Variants in SPAG16 observed in about 807,000 individuals in gnomAD.
SPAG16 encodes the protein sperm associated antigen 16.
A neutral mutation model predicts 80.4 loss-of-function variants in SPAG16; 86 were observed. The observed-to-expected ratio is 1.07, with a 90% confidence interval of 0.90 to 1.28. The LOEUF is 1.28. Among genes scored for constraint, SPAG16 ranks in the 50% most tolerant of loss-of-function variants. SPAG16 has a pLI of 0.00. For missense variants in SPAG16, 870 were observed against 765.3 expected (o/e 1.14, Z -1.61); for synonymous variants, 294 against 265.9 (o/e 1.11, Z -1.03).
chr2:214,019,483 C>T (rs528293105), intron 13 of SPAG16, among the ~76,000 whole-genome samples: 6 of 152,196 alleles, frequency 3.9e-5, no homozygotes, highest in East Asian at 1.9e-4. Context: ...AGACTAACTG[C>T]GGGCACTTGT....
intron 10 of SPAG16, among the ~76,000 whole-genome samples, chr2:213,502,616 A>G (rs561728721): frequency 1.3e-5 from 2 of 152,358 alleles, no homozygotes; most frequent in East Asian, 1.9e-4. Context: ...TAAATCTTGG[A>G]TGATGTTACC....
In SPAG16 at chr2:214,394,447, AC is replaced by A. The variant is rs559851980; in HGVS notation, c.1721-15692del. On this transcript the variant is annotated intron_variant, in intron 15 of 15. Transcript: ENST00000331683. ...TCTGATTATGTAATTGAGTAAAAAAACTTTAAAAATACATTTTAAAGCACCT... is the reference window on the plus strand; with the variant it reads ...TCTGATTATGTAATTGAGTAAAAAAATTTAAAAATACATTTTAAAGCACCT... 1.1e-4 allele frequency among the ~76,000 whole-genome samples: 17 copies of A among 152,256 alleles called. No homozygotes were observed. In the South Asian group the frequency reaches 1.7e-3, roughly 15 times the overall value.
At chr2:214,093,899 CCTTTTAGTGTCTATAT>C (rs1191868272) in intron 13 of SPAG16, among the ~76,000 whole-genome samples, 2 of 152,038 alleles carry the variant, frequency 1.3e-5, no homozygotes, top group African/African-American at 4.8e-5. Context: ...AACTAACTTA[CCTTTTAGTGTCTATAT>C]CTCATCTTAA....
rs548444369 is a variant in SPAG16, at chr2:213,641,332, G to A, written c.1070+151242G>A. 6.6e-5 allele frequency among the ~76,000 whole-genome samples: 10 copies of A among 152,250 alleles called. No homozygotes were observed. The East Asian group carries it at 1.3e-3, about 21-fold the overall frequency. On this transcript the variant is annotated intron_variant, in intron 10 of 15. Coordinates refer to ENST00000331683, the MANE Select transcript of SPAG16 (RefSeq NM_024532.5). Reference sequence around the variant, plus strand: ...GTGCCAAGTTTATATCCAGGCCTCCGGCACACAGGGCTACAAGACTCCCTG... The same window carrying A: ...GTGCCAAGTTTATATCCAGGCCTCCAGCACACAGGGCTACAAGACTCCCTG...
At chr2:213,405,707 A>G (rs999175309) in intron 9 of SPAG16, among the ~76,000 whole-genome samples, 1 of 152,198 alleles carries the variant, frequency 6.6e-6, no homozygotes, top group African/African-American at 2.4e-5. Context: ...TAGCTCTAAT[A>G]TATGAGTGAG....
intron 14 of SPAG16, among the ~76,000 whole-genome samples, chr2:214,138,389 G>A (rs1019416913): frequency 4.6e-5 from 7 of 152,042 alleles, no homozygotes; most frequent in African/African-American, 4.8e-5. Context: ...TTCTTCTCAC[G>A]CCCTGGTACT....
intron 12 of SPAG16, among the ~76,000 whole-genome samples, chr2:213,964,384 C>A (rs973999619): frequency 6.6e-6 from 1 of 151,992 alleles, no homozygotes; most frequent in Admixed American, 6.6e-5. Context: ...CTGAAGAACA[C>A]CTTTAGTATT....
chr2:214,256,286 A>G (rs1201912827), intron 15 of SPAG16, among the ~76,000 whole-genome samples: 2 of 151,688 alleles, frequency 1.3e-5, no homozygotes, highest in Non-Finnish European at 2.9e-5. Context: ...CCCATTTTTA[A>G]TTGGCTTGTT....
At chr2:214,379,972 C>T (rs560334108) in intron 15 of SPAG16, among the ~76,000 whole-genome samples, 2 of 152,138 alleles carry the variant, frequency 1.3e-5, no homozygotes, top group Admixed American at 6.5e-5. Flanking sequence ...ACTTAATGGA[C>T]ATAAATAAGC....
At chr2:213,357,091 T>C (rs1253974973) in intron 7 of SPAG16, among the ~76,000 whole-genome samples, 1 of 152,228 alleles carries the variant, frequency 6.6e-6, no homozygotes, top group Non-Finnish European at 1.5e-5. Context: ...AGTTCCAATT[T>C]GATTGCACTG....
At chr2:213,922,884 C>T (rs970128484) in intron 11 of SPAG16, among the ~76,000 whole-genome samples, 11 of 152,050 alleles carry the variant, frequency 7.2e-5, no homozygotes, top group South Asian at 2.1e-4. Flanking sequence ...GCAAGGGCTG[C>T]GGTTGACAGA....
At chr2:213,988,733 C>T (rs1461664277) in intron 12 of SPAG16, among the ~76,000 whole-genome samples, 1 of 151,052 alleles carries the variant, frequency 6.6e-6, no homozygotes, top group East Asian at 1.9e-4. Flanking sequence ...ACAGGTATAA[C>T]TCTAACAAGA....
chr2:213,789,714 T>C (rs78978637), intron 10 of SPAG16, among the ~76,000 whole-genome samples: 3,286 of 152,074 alleles, frequency 0.022, 117 homozygotes, highest in African/African-American at 0.073. Context: ...CATTATACTT[T>C]GTCCGTAAGC....
intron 15 of SPAG16, among the ~76,000 whole-genome samples, chr2:214,226,509 T>A (rs1453500317): frequency 6.6e-6 from 1 of 152,050 alleles, no homozygotes; most frequent in Admixed American, 6.6e-5. Context: ...ATTACAACCA[T>A]CATATCTGTG....
chr2:213,362,929 C>T (rs1280894483), intron 7 of SPAG16, among the ~76,000 whole-genome samples: 1 of 152,158 alleles, frequency 6.6e-6, no homozygotes, highest in Non-Finnish European at 1.5e-5. Flanking sequence ...CACTGGGGAT[C>T]ACTTTTCAAC....
intron 10 of SPAG16, among the ~76,000 whole-genome samples, chr2:213,848,794 C>G (rs959519736): frequency 9.2e-5 from 14 of 152,144 alleles, no homozygotes; most frequent in African/African-American, 3.4e-4. Context: ...TCTCAAATTA[C>G]ATATAGTGAG....
intron 15 of SPAG16, among the ~76,000 whole-genome samples, chr2:214,190,317 G>A (rs921815805): frequency 7.2e-5 from 11 of 152,022 alleles, no homozygotes; most frequent in African/African-American, 2.7e-4. Flanking sequence ...AGATTGTGTT[G>A]TTTGCTTTGG....
intron 15 of SPAG16, among the ~76,000 whole-genome samples, chr2:214,185,867 T>A (rs2057452293): frequency 6.6e-6 from 1 of 152,114 alleles, no homozygotes; most frequent in Non-Finnish European, 1.5e-5. Context: ...TAGCCTTTCA[T>A]CCTGTTTGTT....
chr2:213,292,612 C>T (rs1472375748), intron 1 of SPAG16, among the ~76,000 whole-genome samples: 1 of 142,758 alleles, frequency 7.0e-6, no homozygotes, highest in Non-Finnish European at 1.5e-5. Flanking sequence ...TGCAGTGAGC[C>T]GAGATCCCGC....
Sources: allele counts gnomAD v4.1 joint callset (sites outside exome capture counted in the v4.1 genomes callset), GRCh38; gene constraint gnomAD v4.1.1; transcripts MANE v1.5; gene names NCBI Gene and HGNC (gene_info 2026-07-23, HGNC 2026-07-21).